Variants in SEL1L2 observed in about 807,000 individuals in gnomAD.
SEL1L2 encodes the protein SEL1L2 adaptor subunit of SYVN1 ubiquitin ligase.
SEL1L2 carries 89 observed loss-of-function variants against 98.8 expected under a neutral mutation model. The observed-to-expected ratio is 0.90, with a 90% CI of 0.76 to 1.07. The LOEUF is 1.07. Ranked by LOEUF, SEL1L2 falls within the 50% of genes least tolerant of loss-of-function variation. The pLI is 0.00. For synonymous variants in SEL1L2, 262 were observed against 278.5 expected (o/e 0.94, Z 0.59); for missense variants, 788 against 812.0 (o/e 0.97, Z 0.36).
intron 16 of SEL1L2, 45 bp from the exon 17 acceptor site, chr20:13,865,286 G>A (rs1990812585): frequency 6.2e-7 from 1 of 1,607,788 alleles, no homozygotes; most frequent in Non-Finnish European, 8.5e-7. Flanking sequence ...AAATGCCTCT[G>A]TAGTAAAGTC....
In SEL1L2 at chr20:13,935,977, G is replaced by A. The variant is rs542280177; in HGVS notation, c.115-4206C>T. ...GATTTTCTGTTGAAGGGCTTATCAT[G>A]TGAATTTTAGTTTTTAAACAGCAAA... On this transcript the variant is annotated intron_variant, in intron 2 of 19. Coordinates refer to ENST00000284951, the MANE Select transcript of SEL1L2 (RefSeq NM_025229.2). Among the ~76,000 whole-genome samples the A allele has an allele frequency of 3.9e-5, 6 of 152,270 alleles. No individual in the cohort carries two copies. In the South Asian group the frequency reaches 1.2e-3, roughly 32 times the overall value.
In SEL1L2 at chr20:13,989,901, T is replaced by C. The variant is rs2052458174; in HGVS notation, c.58+576A>G. Among the ~76,000 whole-genome samples, 4 of 152,186 alleles carry C rather than the reference T, an allele frequency of 2.6e-5. No homozygotes were observed. The South Asian group carries it at 8.3e-4, about 32-fold the overall frequency. On this transcript the variant is annotated intron_variant, in intron 1 of 19. Transcript: ENST00000284951. ...AACCACTAGACAAGCAGGGACCAAA[T>C]ACATATTTCTTAAATTGAATTTATC... is the stretch of plus-strand genomic sequence containing the variant.
At chr20:13,974,475 CTT>C (rs11484437) in intron 1 of SEL1L2, among the ~76,000 whole-genome samples, 1 of 80,180 alleles carries the variant, frequency 1.2e-5, no homozygotes, top group Non-Finnish European at 2.2e-5. Flanking sequence ...CTCTCTCTCT[CTT>C]TTTTTTTTTT....
At chr20:13,974,461 TTC>T (rs199767663) in intron 1 of SEL1L2, among the ~76,000 whole-genome samples, 43 of 134,298 alleles carry the variant, frequency 3.2e-4, no homozygotes, top group African/African-American at 9.2e-4. Context: ...TTTTTTCCTT[TTC>T]TCTCTCTCTC....
chr20:13,971,034 G>A (rs541146305), intron 1 of SEL1L2, among the ~76,000 whole-genome samples: 1 of 151,340 alleles, frequency 6.6e-6, no homozygotes, highest in African/African-American at 2.4e-5. Context: ...ATGATTACTG[G>A]TACAGTTAAC....
upstream of SEL1L2, among the ~76,000 whole-genome samples, chr20:13,991,072 T>G (rs915779676): frequency 3.9e-5 from 6 of 152,214 alleles, no homozygotes; most frequent in African/African-American, 1.4e-4. Context: ...CTGCTGAGGA[T>G]TTACTGGAAC....
chr20:13,976,940 G>A (rs899037839), intron 1 of SEL1L2, among the ~76,000 whole-genome samples: 1 of 152,164 alleles, frequency 6.6e-6, no homozygotes. Flanking sequence ...TTTCACCATG[G>A]TGGGCCTCAG....
intron 1 of SEL1L2, among the ~76,000 whole-genome samples, chr20:13,987,315 T>TG (rs1224505741): frequency 4.9e-5 from 1 of 20,442 alleles, no homozygotes; most frequent in Non-Finnish European, 1.1e-4. Context: ...TTTACTGTTT[T>TG]TTTTTTTTTT....
At chr20:13,980,776 A>G (rs1006979026) in intron 1 of SEL1L2, among the ~76,000 whole-genome samples, 1 of 152,222 alleles carries the variant, frequency 6.6e-6, no homozygotes, top group Non-Finnish European at 1.5e-5. Flanking sequence ...AAAATGTTGT[A>G]TATATATACA....
At chr20:13,948,353 A>G (rs1035681066) in intron 2 of SEL1L2, among the ~76,000 whole-genome samples, 2 of 152,178 alleles carry the variant, frequency 1.3e-5, no homozygotes, top group Non-Finnish European at 2.9e-5. Context: ...AAATTTCTCA[A>G]TATCAACACC....
intron 5 of SEL1L2, among the ~76,000 whole-genome samples, chr20:13,906,624 G>C (rs2047940327): frequency 6.6e-6 from 1 of 151,934 alleles, no homozygotes; most frequent in Non-Finnish European, 1.5e-5. Context: ...TTTTTTTTCT[G>C]TATTAGCACA....
intron 1 of SEL1L2, among the ~76,000 whole-genome samples, chr20:13,990,218 G>C (rs1239628471): frequency 6.6e-6 from 1 of 152,042 alleles, no homozygotes; most frequent in African/African-American, 2.4e-5. Context: ...AATTACTGTA[G>C]TGGTTTCCTC....
At position 13,849,347 on chromosome 20, in the gene SEL1L2, A is replaced by C. The variant is rs571988405; in HGVS notation, c.*138T>G. The C allele has an allele frequency of 8.9e-7, 1 of 1,125,418 alleles. No individual in the cohort carries two copies. Among genetic ancestry groups the C allele is most frequent in the South Asian group, 1.5e-5 (1 of 66,370 alleles). The allele number at this position is 1,125,418 out of a possible 1,614,324, so 69.7% of individuals were successfully genotyped here. A position where few individuals can be genotyped will look rare whatever the true frequency, so the allele number is the denominator to read the frequency against. On this transcript the variant is annotated 3_prime_UTR_variant, in exon 20 of 20. Transcript: ENST00000284951. Reference sequence around the variant, plus strand: ...AAGTTGTTTCTCTAGGATGGTCCCCAAGTCTTGTCTGTTTCCCATCACAGC... The same window carrying C: ...AAGTTGTTTCTCTAGGATGGTCCCCCAGTCTTGTCTGTTTCCCATCACAGC...
chr20:13,956,338 G>A (rs2050543026), intron 1 of SEL1L2, among the ~76,000 whole-genome samples: 1 of 151,986 alleles, frequency 6.6e-6, no homozygotes, highest in South Asian at 2.1e-4. Context: ...CTTGACACCA[G>A]AGACAATCTA....
chr20:13,920,502 C>G (rs755620406), intron 3 of SEL1L2, among the ~76,000 whole-genome samples: 1 of 152,138 alleles, frequency 6.6e-6, no homozygotes, highest in Non-Finnish European at 1.5e-5. Flanking sequence ...AAGAGTCACA[C>G]TTAAAGATAT....
rs775430047 is a variant in SEL1L2, at chr20:13,931,763, C to T, written c.123G>A (p.Val41=). 1 of 1,525,434 alleles carries T rather than the reference C, an allele frequency of 6.6e-7. No individual in the cohort carries two copies. The highest frequency in any genetic ancestry group is 1.3e-5 in the South Asian group (1 of 76,134). 94.5% of individuals were successfully genotyped at this position (1,525,434 alleles called of 1,614,324 possible). ...GTGATAAATATTGTTTGATTTCGTT[C>T]ACTGATACCTACAAAGAAAAAGACT... ...KERNVTTQVS[V]NEIKQYLSHI... Residue 41 remains valine, a synonymous_variant, in exon 3 of 20, where the codon GTG becomes GTA. Coordinates refer to ENST00000284951, the MANE Select transcript of SEL1L2 (RefSeq NM_025229.2).
intron 5 of SEL1L2, among the ~76,000 whole-genome samples, chr20:13,901,635 CTT>C (rs1018961284): frequency 6.7e-6 from 1 of 148,284 alleles, no homozygotes; most frequent in Non-Finnish European, 1.5e-5. Context: ...TTTGTGGAAT[CTT>C]TTTTTTAAAT....
intron 4 of SEL1L2, among the ~76,000 whole-genome samples, chr20:13,917,956 T>C (rs114282106): frequency 0.015 from 2,288 of 151,902 alleles, 56 homozygotes; most frequent in African/African-American, 0.052. Flanking sequence ...CGCGCCATCA[T>C]GTCTGGCTAA....
intron 1 of SEL1L2, among the ~76,000 whole-genome samples, chr20:13,972,419 C>T (rs1217052359): frequency 6.6e-6 from 1 of 152,100 alleles, no homozygotes; most frequent in East Asian, 1.9e-4. Flanking sequence ...AAAAAGAAAT[C>T]TCTGTGATTG....
Sources: allele counts gnomAD v4.1 joint callset (sites outside exome capture counted in the v4.1 genomes callset), GRCh38; gene constraint gnomAD v4.1.1; transcripts MANE v1.5; gene names NCBI Gene and HGNC (gene_info 2026-07-23, HGNC 2026-07-21).